The following DACH2 variants were observed in gnomAD, a reference collection of about 807,000 sequenced individuals.
DACH2 encodes the protein dachshund homolog 2.
Under a neutral mutation model 35.8 loss-of-function variants are expected in DACH2, and 17 were observed. That is an observed-to-expected ratio of 0.48 (90% CI 0.33 to 0.71). DACH2 has a LOEUF of 0.71. Ranked by LOEUF, DACH2 falls within the 30% of genes least tolerant of loss-of-function variation. The pLI, the probability that DACH2 is intolerant of heterozygous loss-of-function variation, is 0.02. For missense variants in DACH2, 469 were observed against 472.7 expected (o/e 0.99, Z 0.07); for synonymous variants, 195 against 177.3 (o/e 1.10, Z -0.79).
At chrX:86,650,256 TATAAC>T (rs2040463133) in intron 3 of DACH2, among the ~76,000 whole-genome samples, 1 of 92,163 alleles carries the variant, frequency 1.1e-5, no homozygotes, top group Non-Finnish European at 2.3e-5. Flanking sequence ...TACAAAAGAT[TATAAC>T]TATACTACAG....
At chrX:86,473,990 T>C (rs2037800933) in intron 2 of DACH2, among the ~76,000 whole-genome samples, 1 of 111,936 alleles carries the variant, frequency 8.9e-6, no homozygotes, top group Non-Finnish European at 1.9e-5. Context: ...CAGCAGTGAA[T>C]GAGGGTTTCG....
At chrX:86,248,234 G>A (rs2033326009) in intron 1 of DACH2, among the ~76,000 whole-genome samples, 1 of 110,732 alleles carries the variant, frequency 9.0e-6, no homozygotes, top group Non-Finnish European at 1.9e-5. Context: ...ACCCACATAG[G>A]AAGAGAGGAT....
chrX:86,439,314 G>C (rs750918562), intron 2 of DACH2, among the ~76,000 whole-genome samples: 2 of 111,799 alleles, frequency 1.8e-5, no homozygotes, highest in South Asian at 7.5e-4. Flanking sequence ...CTTGTTGGAT[G>C]AATAGTTTGC....
In DACH2 at chrX:86,494,555, C is replaced by T. The variant is rs190400580; in HGVS notation, c.528-19724C>T. ...TAAGAAATGTCACATGGTGAATGAG[C>T]GCAATGAGCAAATAAAATGTTTAAC... On this transcript the variant is annotated intron_variant, in intron 2 of 11. Coordinates refer to ENST00000373125, the MANE Select transcript of DACH2 (RefSeq NM_053281.3). 8.1e-3 allele frequency among the ~76,000 whole-genome samples: 910 copies of T among 112,530 alleles called. 5 individuals are homozygous for T. The highest frequency in any genetic ancestry group is 0.012 in the African/African-American group (359 of 31,052).
At chrX:86,473,393 T>A (rs1315107480) in intron 2 of DACH2, among the ~76,000 whole-genome samples, 2 of 110,941 alleles carry the variant, frequency 1.8e-5, no homozygotes, top group African/African-American at 6.6e-5. Flanking sequence ...TTTGATTTTT[T>A]AAAAATGTAC....
intron 1 of DACH2, among the ~76,000 whole-genome samples, chrX:86,267,849 T>C (rs1410387232): frequency 2.7e-5 from 3 of 112,174 alleles, no homozygotes; most frequent in Non-Finnish European, 5.6e-5. Flanking sequence ...TTCCATTCTA[T>C]AGACCTAAAT....
At chrX:86,616,187 G>T (rs2039999801) in intron 3 of DACH2, among the ~76,000 whole-genome samples, 1 of 111,344 alleles carries the variant, frequency 9.0e-6, no homozygotes, top group South Asian at 3.7e-4. Context: ...GGACATTTAG[G>T]TTTATTCCAT....
Position 86,513,009 on chromosome X carries a change from T to C in DACH2, c.528-1270T>C, listed in dbSNP as rs762155558. 1.3e-5 allele frequency: 4 copies of C among 302,724 alleles called. No homozygotes were observed. In the Admixed American group the frequency reaches 1.4e-4, roughly 11 times the overall value. 24.9% of individuals were successfully genotyped at this position (302,724 alleles called of 1,213,427 possible). On this transcript the variant is annotated intron_variant, in intron 2 of 11. Transcript: ENST00000373125. ...GCGCTAGATTGATATATAATATTGA[T>C]GTACAGTGGAAGAAAATAACACTAG...
At chrX:86,486,542 C>A (rs1240813681) in intron 2 of DACH2, among the ~76,000 whole-genome samples, 2 of 110,952 alleles carry the variant, frequency 1.8e-5, no homozygotes, top group Non-Finnish European at 3.8e-5. Context: ...AGGGAGATGG[C>A]CATGCACAAT....
chrX:86,293,490 T>C (rs1479175071), intron 1 of DACH2, among the ~76,000 whole-genome samples: 3 of 108,837 alleles, frequency 2.8e-5, no homozygotes, highest in South Asian at 4.3e-4. Flanking sequence ...TTATTTTGCT[T>C]GTTAGTTGAT....
At chrX:86,680,952 T>A (rs890776594) in intron 4 of DACH2, among the ~76,000 whole-genome samples, 8 of 111,062 alleles carry the variant, frequency 7.2e-5, no homozygotes, top group African/African-American at 2.6e-4. Context: ...CCAGCTGCCC[T>A]CGAACATTTC....
intron 7 of DACH2, among the ~76,000 whole-genome samples, chrX:86,768,384 G>A (rs769621444): frequency 7.2e-5 from 8 of 111,236 alleles, no homozygotes; most frequent in Non-Finnish European, 1.3e-4. Flanking sequence ...ATTAAGAATC[G>A]GCTTTATAAT....
intron 3 of DACH2, among the ~76,000 whole-genome samples, chrX:86,595,583 T>C (rs1191641390): frequency 2.7e-5 from 3 of 111,158 alleles, no homozygotes; most frequent in Non-Finnish European, 5.7e-5. Context: ...TTTATTTGGG[T>C]ATTTAAGTCA....
chrX:86,232,495 C>G (rs919685236), intron 1 of DACH2, among the ~76,000 whole-genome samples: 7 of 111,322 alleles, frequency 6.3e-5, no homozygotes, highest in Admixed American at 3.8e-4. Flanking sequence ...CTTAAATTTA[C>G]AAGAGAAAAA....
intron 3 of DACH2, among the ~76,000 whole-genome samples, chrX:86,626,139 G>A (rs992189643): frequency 7.1e-5 from 8 of 112,371 alleles, no homozygotes; most frequent in African/African-American, 2.6e-4. Context: ...ATACAATGGA[G>A]GTACAGGAAT....
At chrX:86,769,933 G>A (rs774301335) in intron 7 of DACH2, among the ~76,000 whole-genome samples, 87 of 108,514 alleles carry the variant, frequency 8.0e-4, no homozygotes, top group Non-Finnish European at 1.5e-3. Context: ...AGGCTGAGGC[G>A]GGAGGATTGT....
intron 2 of DACH2, among the ~76,000 whole-genome samples, chrX:86,509,123 C>T (rs2038363520): frequency 8.9e-6 from 1 of 111,779 alleles, no homozygotes; most frequent in African/African-American, 3.3e-5. Context: ...TTGCCTGATA[C>T]TAACGAAATG....
chrX:86,197,506 C>T lies in DACH2; in HGVS notation c.488+48398C>T, dbSNP rs183473547. Among the ~76,000 whole-genome samples the T allele has an allele frequency of 1.4e-3, 153 of 110,827 alleles. 1 individual carries two copies. Among genetic ancestry groups the T allele is most frequent in the Non-Finnish European group, 8.1e-4 (43 of 52,906 alleles). ...TGAAGATCCAATGGTATGCTGTCTT[C>T]AAGAAACCCATCTTGCATGCAATGA... On this transcript the variant is annotated intron_variant, in intron 1 of 11. Transcript: ENST00000373125.
chrX:86,154,460 A>C (rs2030475154), intron 1 of DACH2, among the ~76,000 whole-genome samples: 1 of 111,297 alleles, frequency 9.0e-6, no homozygotes, highest in African/African-American at 3.3e-5. Flanking sequence ...CACCATCTCA[A>C]CCTGCAAAAC....
Sources: gnomAD v4.1 joint callset for allele counts (sites outside exome capture counted in the v4.1 genomes callset) on GRCh38, gnomAD v4.1.1 for gene constraint, MANE v1.5 for transcripts, NCBI Gene and HGNC (gene_info 2026-07-23, HGNC 2026-07-21) for gene names.